Variants in DNAH3 observed in about 807,000 individuals in gnomAD.
The protein encoded by DNAH3 is dynein axonemal heavy chain 3, also known as axonemal beta dynein heavy chain 3.
Under a neutral mutation model 432.5 loss-of-function variants are expected in DNAH3, and 332 were observed. The ratio of observed to expected loss-of-function variants is 0.77; its 90% CI spans 0.70 to 0.84. DNAH3 has a LOEUF of 0.84. Ranked by LOEUF, DNAH3 falls within the 40% of genes least tolerant of loss-of-function variation. The pLI is 0.00. For synonymous variants in DNAH3, 1,956 were observed against 1,900.2 expected, an observed-to-expected ratio of 1.03 and a Z score of -0.76; for missense variants, 4,861 against 5,114.0, an observed-to-expected ratio of 0.95 and a Z score of 1.51.
exon 46 of DNAH3, chr16:20,987,783 T>G (rs2086274814): frequency 1.2e-6 from 2 of 1,614,136 alleles, no homozygotes; most frequent in African/African-American, 1.3e-5. Flanking sequence ...TCGAGGGAGT[T>G]GGCAAGAAGT....
In DNAH3 at chr16:21,024,579, G is replaced by A. The variant is rs1481035729; in HGVS notation, c.5646+17C>T. ...GGGAGACAGCAGGAGGGGAAGGAAA[G>A]GGTCTGAGGGGCTCACCAATTCTTT... On this transcript the variant is annotated intron_variant, in intron 39 of 61. Coordinates refer to ENST00000261383, the Ensembl canonical transcript of DNAH3. 1 of 1,562,024 alleles carries A rather than the reference G, an allele frequency of 6.4e-7. No homozygotes were observed. Among genetic ancestry groups the A allele is most frequent in the Non-Finnish European group, 8.7e-7 (1 of 1,151,694 alleles).
intron 5 of DNAH3, among the ~76,000 whole-genome samples, chr16:21,139,016 A>G (rs758109308): frequency 5.9e-5 from 9 of 152,190 alleles, no homozygotes; most frequent in Non-Finnish European, 1.3e-4. Context: ...TTTTGCCAAC[A>G]GCACATAGTC....
In DNAH3 at chr16:21,112,187, A is replaced by G. The variant is rs1046071128; in HGVS notation, c.1815-89T>C. The G allele has an allele frequency of 4.7e-5, 40 of 848,160 alleles. No individual in the cohort carries two copies. In the Admixed American group the frequency reaches 9.0e-4, roughly 19 times the overall value. 52.5% of individuals were successfully genotyped at this position (848,160 alleles called of 1,614,324 possible). On this transcript the variant is annotated intron_variant, in intron 12 of 61. Transcript: ENST00000261383. ...GAGTGGCAAATGAAGACATAGTAGC[A>G]TTTTAAAAAATGTAGCCCAAGCCAG... is the stretch of plus-strand genomic sequence containing the variant.
intron 32 of DNAH3, 92 bp from the exon 33 acceptor site, chr16:21,040,035 T>A: frequency 9.6e-7 from 1 of 1,043,890 alleles, no homozygotes; most frequent in Non-Finnish European, 1.5e-6. Context: ...TAGCTTTGCT[T>A]CATTCAGGCC....
At chr16:21,021,572 T>C (rs977491984) in intron 40 of DNAH3, among the ~76,000 whole-genome samples, 2 of 152,162 alleles carry the variant, frequency 1.3e-5, no homozygotes, top group South Asian at 2.1e-4. Flanking sequence ...CAGCCAGTCA[T>C]GTTGTAATTC....
intron 44 of DNAH3, among the ~76,000 whole-genome samples, 186 bp from the exon 45 acceptor site, chr16:20,988,251 A>G (rs35564324): frequency 0.075 from 11,422 of 152,226 alleles, 592 homozygotes; most frequent in East Asian, 0.17. Flanking sequence ...ATTAAATAAC[A>G]TTAAAAATGC....
intron 57 of DNAH3, 61 bp downstream of exon 57, chr16:20,948,422 C>A: frequency 6.4e-7 from 1 of 1,556,016 alleles, no homozygotes; most frequent in Non-Finnish European, 8.8e-7. Flanking sequence ...AGCCCTGTAG[C>A]CATATAGAGA....
chr16:21,024,475 A>T (rs1334675485), intron 39 of DNAH3, 121 bp downstream of exon 39: 1 of 661,974 alleles, frequency 1.5e-6, no homozygotes, highest in East Asian at 3.2e-5. Context: ...GGGGACAACA[A>T]GGGAATTCCC....
chr16:21,148,443 T>A (rs1211372745), intron 1 of DNAH3, among the ~76,000 whole-genome samples: 3 of 91,512 alleles, frequency 3.3e-5, no homozygotes, highest in Non-Finnish European at 7.0e-5. Flanking sequence ...TTATTATTTA[T>A]TTTTTTTTTT....
At chr16:20,935,643 G>C (rs921033555) in intron 60 of DNAH3, among the ~76,000 whole-genome samples, 158 bp from the exon 61 acceptor site, 8 of 151,926 alleles carry the variant, frequency 5.3e-5, no homozygotes, top group Admixed American at 5.2e-4. Context: ...TTGAAATAAG[G>C]GTACAAAGAA....
At chr16:21,037,907 C>T (rs1239042020) in exon 34 of DNAH3, 6 of 1,614,036 alleles carry the variant, frequency 3.7e-6, no homozygotes, top group Admixed American at 1.7e-5. Flanking sequence ...GCGCGCATAC[C>T]GTAGTCATAG....
exon 51 of DNAH3, chr16:20,975,406 T>C: frequency 6.2e-7 from 1 of 1,613,984 alleles, no homozygotes; most frequent in Non-Finnish European, 8.5e-7. Flanking sequence ...TCTCTTTGCA[T>C]AACCGCTACC....
rs555885687 is a variant in DNAH3 at position 21,058,633 on chromosome 16, G to A, written c.3814-437C>T. 2.0e-5 allele frequency among the ~76,000 whole-genome samples: 3 copies of A among 152,066 alleles called. No homozygotes were observed. The East Asian group carries it at 5.8e-4, about 29-fold the overall frequency. On this transcript the variant is annotated intron_variant, in intron 26 of 61. Coordinates refer to ENST00000261383, the Ensembl canonical transcript of DNAH3. ...GTATATAAATTTTTTCATAAATAAA[G>A]TTGTATTGAAATACAGCCGCAGCAT...
At chr16:21,099,312 G>A (rs1269485833) in intron 16 of DNAH3, among the ~76,000 whole-genome samples, 2 of 152,138 alleles carry the variant, frequency 1.3e-5, no homozygotes, top group Non-Finnish European at 2.9e-5. Flanking sequence ...ATGGTTGGAT[G>A]AATGGATGAA....
At position 20,976,757 on chromosome 16, in the gene DNAH3, G is replaced by A. The variant is rs1372899589; in HGVS notation, c.8077-1342C>T. ...TGCCCTTATATAATAAAAAGAGGAA[G>A]CCACGTGAGATCTGTCTCTTCCCAC... On this transcript the variant is annotated intron_variant, in intron 50 of 61. Coordinates refer to ENST00000261383, the Ensembl canonical transcript of DNAH3. Among the ~76,000 whole-genome samples, 3 of 152,202 alleles carry A rather than the reference G, an allele frequency of 2.0e-5. No homozygotes were observed. In the South Asian group the frequency reaches 6.2e-4, roughly 31 times the overall value.
At chr16:20,988,501 G>A (rs757595947) in intron 44 of DNAH3, among the ~76,000 whole-genome samples, 26 of 152,096 alleles carry the variant, frequency 1.7e-4, no homozygotes, top group Admixed American at 6.6e-4. Flanking sequence ...TGCAACCTCC[G>A]CCTCCCGGGC....
At chr16:21,060,214 T>G (rs761250490) in intron 26 of DNAH3, 50 bp downstream of exon 26, 2 of 1,453,772 alleles carry the variant, frequency 1.4e-6, no homozygotes, top group Non-Finnish European at 1.9e-6. Flanking sequence ...TCCCCAATGT[T>G]CTCTTTAGTG....
intron 1 of DNAH3, among the ~76,000 whole-genome samples, chr16:21,146,901 C>G (rs1183684885): frequency 6.6e-6 from 1 of 151,814 alleles, no homozygotes; most frequent in Non-Finnish European, 1.5e-5. Context: ...GCTGGGATTA[C>G]AGGTGACTGC....
chr16:21,011,404 C>T (rs946606178), intron 41 of DNAH3, among the ~76,000 whole-genome samples: 4 of 152,128 alleles, frequency 2.6e-5, no homozygotes, highest in African/African-American at 9.7e-5. Flanking sequence ...GCAGTGGTCA[C>T]GCATGGCTGT....
Sources: gnomAD v4.1 joint callset for allele counts (sites outside exome capture counted in the v4.1 genomes callset) on GRCh38, gnomAD v4.1.1 for gene constraint, MANE v1.5 for transcripts, NCBI Gene and HGNC (gene_info 2026-07-23, HGNC 2026-07-21) for gene names.